The following CBX1 variants were observed in gnomAD, a reference collection of about 807,000 sequenced individuals.
CBX1 encodes chromobox 1.
CBX1 carries 10 observed loss-of-function variants against 25.1 expected under a neutral mutation model. The ratio of observed to expected loss-of-function variants is 0.40; its 90% confidence interval spans 0.25 to 0.68. The LOEUF is 0.68. Ranked by LOEUF, CBX1 falls within the 30% of genes least tolerant of loss-of-function variation. The probability of loss-of-function intolerance (pLI) is 0.40; values close to 1 mark genes in which losing one functional copy is unlikely to be tolerated. For synonymous variants in CBX1, 63 were observed against 79.4 expected (o/e 0.79, Z 1.10); for missense variants, 106 against 218.5 (o/e 0.49, Z 3.25).
At chr17:48,093,673 G>GT (rs2144466630) in intron 1 of CBX1, among the ~76,000 whole-genome samples, 1 of 152,328 alleles carries the variant, frequency 6.6e-6, no homozygotes, top group African/African-American at 2.4e-5. Flanking sequence ...AGTCGTCAGT[G>GT]TAACACTTAT....
intron 1 of CBX1, chr17:48,096,311 G>C: frequency 1.0e-6 from 1 of 982,882 alleles, no homozygotes; most frequent in Non-Finnish European, 1.2e-6. Context: ...TGAGTATGTT[G>C]ACATGGATAT....
chr17:48,091,688 C>T (rs7221441), intron 1 of CBX1, among the ~76,000 whole-genome samples: 109,935 of 151,772 alleles, frequency 0.72, 40,600 homozygotes, highest in Admixed American at 0.82. Flanking sequence ...ATTACAAGCA[C>T]GCGCCACCAT....
At chr17:48,081,357 C>G (rs2037736314) in intron 1 of CBX1, among the ~76,000 whole-genome samples, 1 of 152,142 alleles carries the variant, frequency 6.6e-6, no homozygotes, top group Non-Finnish European at 1.5e-5. Flanking sequence ...GAGGAACAGT[C>G]ATAGAATGGC....
intron 1 of CBX1, among the ~76,000 whole-genome samples, chr17:48,090,965 T>C (rs2063341049): frequency 6.6e-6 from 1 of 152,248 alleles, no homozygotes; most frequent in Non-Finnish European, 1.5e-5. Flanking sequence ...CACACATGTG[T>C]TTGCAAAGCA....
intron 1 of CBX1, chr17:48,100,672 C>G (rs1218459563): frequency 1.0e-6 from 1 of 955,208 alleles, no homozygotes; most frequent in Non-Finnish European, 1.2e-6. Flanking sequence ...CTTCCAGAGT[C>G]AGGCCCAGCA....
At chr17:48,094,114 CAAAAAAA>C (rs11459504) in intron 1 of CBX1, among the ~76,000 whole-genome samples, 3,316 of 50,878 alleles carry the variant, frequency 0.065, 66 homozygotes, top group African/African-American at 0.088. Context: ...AACTCTGTCT[CAAAAAAA>C]AAAAAAAAAA....
intron 1 of CBX1, among the ~76,000 whole-genome samples, chr17:48,094,059 C>T (rs970099574): frequency 5.5e-5 from 8 of 145,232 alleles, no homozygotes; most frequent in African/African-American, 1.8e-4. Context: ...AGTTGCGATG[C>T]GCCAAGATCG....
At chr17:48,101,131 G>A (rs1598321560) in intron 1 of CBX1, 137 bp downstream of exon 1, 4 of 986,490 alleles carry the variant, frequency 4.1e-6, no homozygotes, top group Non-Finnish European at 4.8e-6. Context: ...GGGAAGCGGA[G>A]AAGCAGGACG....
intron 1 of CBX1, 128 bp from the exon 2 acceptor site, chr17:48,077,169 G>T: frequency 1.5e-6 from 1 of 662,488 alleles, no homozygotes; most frequent in Non-Finnish European, 2.4e-6. Flanking sequence ...TAAGTGTTAG[G>T]CTTCTTCTCA....
At chr17:48,072,710 G>C (rs1024151891) in intron 4 of CBX1, among the ~76,000 whole-genome samples, 1 of 151,948 alleles carries the variant, frequency 6.6e-6, no homozygotes, top group African/African-American at 2.4e-5. Flanking sequence ...GTGAAACTGG[G>C]AGGCAGAGCT....
Position 48,082,740 on chromosome 17 carries a change from G to A in CBX1, c.-37-5699C>T, listed in dbSNP as rs532063892. ...TTTAGTAAAGACGTGGTTTCACCAT[G>A]TTGGCCAGGCTGGTCTCAAACGCTT... On this transcript the variant is annotated intron_variant, in intron 1 of 4. Coordinates refer to ENST00000225603, the MANE Select transcript of CBX1 (RefSeq NM_001127228.2). 2.1e-4 allele frequency among the ~76,000 whole-genome samples: 32 copies of A among 149,740 alleles called. 2 individuals are homozygous for A. The highest frequency in any genetic ancestry group is 3.4e-3 in the Middle Eastern group (1 of 292).
In CBX1 at chr17:48,096,338, G is replaced by A. The variant is rs75856213; in HGVS notation, c.-38+4930C>T. The A allele has an allele frequency of 5.0e-5, 49 of 985,104 alleles. No individual in the cohort carries two copies. In the East Asian group the frequency reaches 1.9e-3, roughly 39 times the overall value. 61.0% of individuals were successfully genotyped at this position (985,104 alleles called of 1,614,324 possible). Reference sequence around the variant, plus strand: ...CATGGATATTTTGACACAGATTTTTGGGTTGAGAGGCCACAAGAGTCTACA... The same window carrying A: ...CATGGATATTTTGACACAGATTTTTAGGTTGAGAGGCCACAAGAGTCTACA... On this transcript the variant is annotated intron_variant, in intron 1 of 4. Coordinates refer to ENST00000225603, the MANE Select transcript of CBX1 (RefSeq NM_001127228.2).
At chr17:48,096,348 G>A in intron 1 of CBX1, 1 of 985,282 alleles carries the variant, frequency 1.0e-6, no homozygotes. Context: ...GGGTTGAGAG[G>A]CCACAAGAGT....
At chr17:48,095,058 G>A (rs1168762498) in intron 1 of CBX1, among the ~76,000 whole-genome samples, 6 of 151,292 alleles carry the variant, frequency 4.0e-5, no homozygotes, top group Admixed American at 1.3e-4. Context: ...AAAAAAAAAA[G>A]AAAGAAAAAA....
At chr17:48,094,841 G>C (rs929994469) in intron 1 of CBX1, among the ~76,000 whole-genome samples, 2 of 151,598 alleles carry the variant, frequency 1.3e-5, no homozygotes, top group Non-Finnish European at 2.9e-5. Context: ...GACGCCTGGA[G>C]TTCAAGACCA....
chr17:48,094,632 AGG>A (rs753082018), intron 1 of CBX1, among the ~76,000 whole-genome samples: 13 of 148,688 alleles, frequency 8.7e-5, no homozygotes, highest in Admixed American at 5.4e-4. Context: ...CAAGAAGCTG[AGG>A]CACGATAATT....
chr17:48,085,646 C>G (rs2063308069), intron 1 of CBX1, among the ~76,000 whole-genome samples: 1 of 151,834 alleles, frequency 6.6e-6, no homozygotes, highest in Non-Finnish European at 1.5e-5. Context: ...AGAAACAAAG[C>G]TGGGTTTTTA....
intron 1 of CBX1, among the ~76,000 whole-genome samples, chr17:48,080,651 G>A (rs1211228513): frequency 2.0e-5 from 3 of 151,506 alleles, no homozygotes; most frequent in Admixed American, 6.6e-5. Context: ...GGCTGGGTGC[G>A]GTGGTTCACG....
rs753592492 is a variant in CBX1, at chr17:48,096,471, C to T, written c.-38+4797G>A. The T allele has an allele frequency of 6.9e-5, 48 of 696,890 alleles. No homozygotes were observed. In the Admixed American group the frequency reaches 7.6e-4, roughly 11 times the overall value. 43.2% of individuals were successfully genotyped at this position (696,890 alleles called of 1,614,324 possible). ...ACCAGAATTATGACTACATTGGAAA[C>T]GTATCAGAACACCACAGTGGCCAGG... On this transcript the variant is annotated intron_variant, in intron 1 of 4. Coordinates refer to ENST00000225603, the MANE Select transcript of CBX1 (RefSeq NM_001127228.2).
Sources: allele counts gnomAD v4.1 joint callset (sites outside exome capture counted in the v4.1 genomes callset), GRCh38; gene constraint gnomAD v4.1.1; transcripts MANE v1.5; gene names NCBI Gene and HGNC (gene_info 2026-07-23, HGNC 2026-07-21).